MAST3: variants seen among roughly 807,000 people sequenced by gnomAD.
MAST3 encodes the protein microtubule-associated serine/threonine-protein kinase 3.
Under a neutral mutation model 127.0 loss-of-function variants are expected in MAST3, and 43 were observed. The observed-to-expected ratio is 0.34, with a 90% CI of 0.27 to 0.44. The LOEUF (loss-of-function observed/expected upper bound fraction) is 0.44. Ranked by LOEUF, MAST3 falls within the 20% of genes least tolerant of loss-of-function variation. The pLI, the probability that MAST3 is intolerant of heterozygous loss-of-function variation, is 1.00. For missense variants in MAST3, 1,390 were observed against 1,919.1 expected (o/e 0.72, Z 5.15); for synonymous variants, 785 against 809.2 (o/e 0.97, Z 0.51).
intron 20 of MAST3, among the ~76,000 whole-genome samples, chr19:18,140,412 C>T (rs1476906199): frequency 2.6e-5 from 4 of 152,226 alleles, no homozygotes; most frequent in East Asian, 1.9e-4. Flanking sequence ...TGTACAATTT[C>T]GTGGCATTCA....
chr19:18,135,019 C>T (rs2041741969), intron 17 of MAST3, 37 bp downstream of exon 17: 1 of 1,559,110 alleles, frequency 6.4e-7, no homozygotes, highest in Non-Finnish European at 8.7e-7. Flanking sequence ...TGAGCTGCAG[C>T]CCCACCAGAG....
At chr19:18,147,380 G>A in intron 26 of MAST3, 63 bp from the exon 27 acceptor site, 1 of 1,467,656 alleles carries the variant, frequency 6.8e-7, no homozygotes, top group Non-Finnish European at 9.5e-7. Context: ...TGGGATTACA[G>A]GTGTGAGCCA....
chr19:18,137,188 C>T (rs2041971206), intron 18 of MAST3, 51 bp from the exon 19 acceptor site: 1 of 1,557,902 alleles, frequency 6.4e-7, no homozygotes, highest in South Asian at 1.2e-5. Flanking sequence ...GGGGGGCATC[C>T]TGTGGCGGGT....
At chr19:18,132,200 A>G (rs927198277) in intron 15 of MAST3, among the ~76,000 whole-genome samples, 153 bp downstream of exon 15, 3 of 152,200 alleles carry the variant, frequency 2.0e-5, no homozygotes, top group Admixed American at 1.3e-4. Context: ...ACCTCCTGAC[A>G]GGAAGGCAGG....
chr19:18,116,314 CAG>C (rs781349829), intron 3 of MAST3, among the ~76,000 whole-genome samples: 36 of 149,592 alleles, frequency 2.4e-4, no homozygotes, highest in Non-Finnish European at 3.6e-4. Context: ...TTTTTTGAGA[CAG>C]AGTTTCGCTC....
chr19:18,144,020 C>T lies in MAST3; in HGVS notation c.2584+13C>T, dbSNP rs1470340047. The T allele has an allele frequency of 6.4e-7, 1 of 1,554,256 alleles. No individual in the cohort carries two copies. Among genetic ancestry groups the T allele is most frequent in the East Asian group, 2.4e-5 (1 of 41,228 alleles). On this transcript the variant is annotated intron_variant, in intron 22 of 27. Transcript: ENST00000687212. This position sits in a 1 kb window ranked among gnomAD's most constrained non-coding sequence, Gnocchi z 4.0. ...TCGAGCCTTTCTGGTAAGTGGGGCC[C>T]TGAGTAAGAGGGATGATGTCATGGA...
At position 18,112,621 on chromosome 19, in the gene MAST3, C is replaced by A. The variant is rs920476610; in HGVS notation, c.161+1880C>A. On this transcript the variant is annotated intron_variant, in intron 3 of 27. Transcript: ENST00000687212. The surrounding 1 kb of genome is among the most constrained non-coding windows in gnomAD (Gnocchi z 4.1). The stretch of plus-strand genomic sequence containing the variant: ...AAGTGCTGGGATTACAGGCATGAAC[C>A]ACCAAGCCTGGCCTAATGTTTGTAT... Among the ~76,000 whole-genome samples, 1 of 152,184 alleles carries A rather than the reference C, an allele frequency of 6.6e-6. No homozygotes were observed. The highest frequency in any genetic ancestry group is 1.5e-5 in the Non-Finnish European group (1 of 68,040).
chr19:18,118,128 C>T (rs1568560024), intron 3 of MAST3: 3 of 985,314 alleles, frequency 3.0e-6, no homozygotes, highest in Middle Eastern at 5.2e-4. Context: ...CCTCCCTTCC[C>T]GGCCTCGGGC....
chr19:18,130,412 TG>T, intron 13 of MAST3, 81 bp from the exon 14 acceptor site: 7 of 1,274,932 alleles, frequency 5.5e-6, no homozygotes, highest in Non-Finnish European at 6.6e-6. Context: ...CCAGGCAGGT[TG>T]GGATCTGGGC....
chr19:18,100,129 T>TC (rs1303410350), intron 1 of MAST3, among the ~76,000 whole-genome samples: 17 of 92,898 alleles, frequency 1.8e-4, no homozygotes, highest in South Asian at 6.8e-4. Flanking sequence ...TCTCTCTCTC[T>TC]TTTTTTTTTT....
intron 18 of MAST3, among the ~76,000 whole-genome samples, chr19:18,136,615 C>T (rs1040963096): frequency 3.3e-5 from 5 of 151,920 alleles, no homozygotes; most frequent in Non-Finnish European, 7.4e-5. Context: ...GAAATTGAGA[C>T]GAAATTTCAC....
intron 1 of MAST3, among the ~76,000 whole-genome samples, chr19:18,104,890 A>G (rs911256916): frequency 4.6e-5 from 7 of 152,146 alleles, no homozygotes; most frequent in African/African-American, 7.2e-5. Context: ...AGCAATAGTA[A>G]TGGCTGATCA....
Position 18,137,371 on chromosome 19 carries a change from G to T in MAST3, c.2095+10G>T, listed in dbSNP as rs770455979. The T allele has an allele frequency of 6.2e-7, 1 of 1,611,540 alleles. No homozygotes were observed. Among genetic ancestry groups the T allele is most frequent in the South Asian group, 1.1e-5 (1 of 90,866 alleles). On this transcript the variant is annotated intron_variant, in intron 19 of 27. Coordinates refer to ENST00000687212, the MANE Select transcript of MAST3 (RefSeq NM_001393504.1). ...ACCAGCTACTTTGACAGTAAGGAGG[G>T]ATCCCCCTGGAGGGGGGGCGGGGGG...
At position 18,144,357 on chromosome 19, in the gene MAST3, C is replaced by A. The variant is rs2042817632; in HGVS notation, c.2585-109C>A. On this transcript the variant is annotated intron_variant, in intron 22 of 27. Coordinates refer to ENST00000687212, the MANE Select transcript of MAST3 (RefSeq NM_001393504.1). The surrounding 1 kb of genome is among the most constrained non-coding windows in gnomAD (Gnocchi z 4.0). ...AAGAGGGAACTGCATGAGCAAAGGCCAGGAGGCTGGACTGTGTAAATAGTG... is the reference window on the plus strand; with the variant it reads ...AAGAGGGAACTGCATGAGCAAAGGCAAGGAGGCTGGACTGTGTAAATAGTG... The A allele has an allele frequency of 8.3e-6, 8 of 961,992 alleles. No individual in the cohort carries two copies. The highest frequency in any genetic ancestry group is 1.3e-5 in the Non-Finnish European group (8 of 639,670). 59.6% of individuals were successfully genotyped at this position (961,992 alleles called of 1,614,324 possible).
At position 18,147,501 on chromosome 19, in the gene MAST3, A is replaced by G. The variant is rs934614210; in HGVS notation, c.3385A>G (p.Ser1129Gly). 7 of 1,612,934 alleles carry G rather than the reference A, an allele frequency of 4.3e-6. No homozygotes were observed. The African/African-American group carries it at 8.0e-5, about 18-fold the overall frequency. The change falls in exon 27 of 28, where the codon AGC becomes GGC. Residue 1129 changes from serine (S) to glycine (G), a missense_variant. Transcript: ENST00000687212. ...GACCTCCGTGCTGCACACCAGCCGC[A>G]GCTTCTCCTCCGGACTCCACCACTC... is the stretch of plus-strand genomic sequence containing the variant. ...KQTSVLHTSR[S>G]FSSGLHHSLS...
intron 3 of MAST3, among the ~76,000 whole-genome samples, chr19:18,115,672 A>G (rs542644620): frequency 6.6e-6 from 1 of 152,152 alleles, no homozygotes; most frequent in East Asian, 1.9e-4. Flanking sequence ...CACAGCTTCA[A>G]TATTCCCCTC....
In MAST3 at chr19:18,144,778, T is replaced by C. The variant is rs1306133755; in HGVS notation, c.2812+85T>C. On this transcript the variant is annotated intron_variant, in intron 23 of 27. Coordinates refer to ENST00000687212, the MANE Select transcript of MAST3 (RefSeq NM_001393504.1). The surrounding 1 kb of genome is among the most constrained non-coding windows in gnomAD (Gnocchi z 4.0). Reference sequence around the variant, plus strand: ...GGGGCCCTTCCTGAGTTGGGGAGGCTGGGGATGAGCCCCAGAAGAGGGGAG... The same window carrying C: ...GGGGCCCTTCCTGAGTTGGGGAGGCCGGGGATGAGCCCCAGAAGAGGGGAG... 1.4e-6 allele frequency: 2 copies of C among 1,441,330 alleles called. No homozygotes were observed. The highest frequency in any genetic ancestry group is 2.8e-5 in the African/African-American group (2 of 71,632). 89.3% of individuals were successfully genotyped at this position (1,441,330 alleles called of 1,614,324 possible).
chr19:18,112,493 C>T lies in MAST3; in HGVS notation c.161+1752C>T, dbSNP rs2038753012. On this transcript the variant is annotated intron_variant, in intron 3 of 27. Coordinates refer to ENST00000687212, the MANE Select transcript of MAST3 (RefSeq NM_001393504.1). The surrounding 1 kb of genome is among the most constrained non-coding windows in gnomAD (Gnocchi z 4.1). ...GGGATTACAGGCACACACCAACACT[C>T]CCGGCTAATTTTTGTATTTTCAGTA... Among the ~76,000 whole-genome samples, 1 of 152,158 alleles carries T rather than the reference C, an allele frequency of 6.6e-6. No individual in the cohort carries two copies. The highest frequency in any genetic ancestry group is 2.4e-5 in the African/African-American group (1 of 41,424).
At chr19:18,142,517 A>G (rs991909535) in intron 21 of MAST3, among the ~76,000 whole-genome samples, 6 of 151,576 alleles carry the variant, frequency 4.0e-5, no homozygotes, top group African/African-American at 9.7e-5. Flanking sequence ...ACACCCGGCT[A>G]ATTTTTATAT....
Sources: gnomAD v4.1 joint callset for allele counts (sites outside exome capture counted in the v4.1 genomes callset) on GRCh38, gnomAD v4.1.1 for gene constraint, Gnocchi (gnomAD v3.1) non-coding constraint, MANE v1.5 for transcripts, NCBI Gene and HGNC (gene_info 2026-07-23, HGNC 2026-07-21) for gene names.